Variants in GLIS3 observed in about 807,000 individuals in gnomAD.
GLIS3 encodes GLIS family zinc finger 3.
GLIS3 carries 53 observed loss-of-function variants against 78.6 expected under a neutral mutation model. That is an observed-to-expected ratio of 0.67 (90% confidence interval 0.54 to 0.85). The LOEUF (loss-of-function observed/expected upper bound fraction) is 0.85, where lower values mean the gene tolerates loss of function less well. GLIS3 is among the 40% of genes least tolerant of loss of function. GLIS3 has a pLI of 0.00. For missense variants in GLIS3, 1,703 were observed against 1,231.1 expected, an observed-to-expected ratio of 1.38 and a Z score of -5.74; for synonymous variants, 684 against 509.9, an observed-to-expected ratio of 1.34 and a Z score of -4.60.
At chr9:4,235,216 T>C (rs1164671520) in intron 2 of GLIS3, among the ~76,000 whole-genome samples, 1 of 149,944 alleles carries the variant, frequency 6.7e-6, no homozygotes, top group Non-Finnish European at 1.5e-5. Context: ...GGAGAATCGC[T>C]TGAACCCGGG....
At chr9:4,007,559 G>C (rs999316255) in intron 4 of GLIS3, among the ~76,000 whole-genome samples, 1 of 151,962 alleles carries the variant, frequency 6.6e-6, no homozygotes, top group Non-Finnish European at 1.5e-5. Context: ...AATTTCAATG[G>C]GGATTCATCA....
chr9:4,418,236 G>A, the GLIS3 span, among the ~76,000 whole-genome samples: 1 of 148,884 alleles, frequency 6.7e-6, no homozygotes, highest in Non-Finnish European at 1.5e-5. Flanking sequence ...AGAGATGGCT[G>A]AGGCAATTTT....
intron 2 of GLIS3, among the ~76,000 whole-genome samples, chr9:4,344,835 C>G (rs184912008): frequency 6.6e-6 from 1 of 152,182 alleles, no homozygotes; most frequent in Non-Finnish European, 1.5e-5. Flanking sequence ...TCCTTGTCTG[C>G]TCTCTTCCTT....
At chr9:4,218,618 G>C (rs921105520) in intron 2 of GLIS3, among the ~76,000 whole-genome samples, 2 of 152,124 alleles carry the variant, frequency 1.3e-5, no homozygotes, top group African/African-American at 2.4e-5. Flanking sequence ...ATATGTTACT[G>C]TCCAATCTGG....
At chr9:3,927,530 G>A (rs1825335893) in intron 6 of GLIS3, among the ~76,000 whole-genome samples, 1 of 152,132 alleles carries the variant, frequency 6.6e-6, no homozygotes, top group Admixed American at 6.5e-5. Flanking sequence ...CACACCTCGG[G>A]CAACAGCTTT....
intron 1 of GLIS3, among the ~76,000 whole-genome samples, chr9:4,296,314 C>T (rs900590682): frequency 6.6e-6 from 1 of 150,726 alleles, no homozygotes; most frequent in Non-Finnish European, 1.5e-5. Context: ...AAAAAAAGAC[C>T]GAGAACACTG....
At chr9:3,877,565 G>GT (rs1384240293) in intron 8 of GLIS3, among the ~76,000 whole-genome samples, 1 of 151,940 alleles carries the variant, frequency 6.6e-6, no homozygotes, top group Non-Finnish European at 1.5e-5. Context: ...ACTCAACATT[G>GT]TTTTTTCCTC....
intron 2 of GLIS3, among the ~76,000 whole-genome samples, chr9:4,279,685 C>T (rs1036115632): frequency 9.5e-5 from 7 of 73,596 alleles, no homozygotes; most frequent in Non-Finnish European, 1.8e-4. Flanking sequence ...TAGATTAGAG[C>T]TTGTTTGGTC....
the GLIS3 span, among the ~76,000 whole-genome samples, chr9:4,365,479 C>T: frequency 3.9e-5 from 6 of 152,092 alleles, no homozygotes; most frequent in East Asian, 7.7e-4. Flanking sequence ...TCGCTTGAAC[C>T]TGGGAGGTGG....
At chr9:4,270,451 T>A (rs555563292) in intron 2 of GLIS3, among the ~76,000 whole-genome samples, 1 of 152,138 alleles carries the variant, frequency 6.6e-6, no homozygotes, top group East Asian at 1.9e-4. Context: ...TAGGATGTAA[T>A]TGAGTTGTCA....
chr9:4,030,701 C>G (rs966874007), intron 4 of GLIS3, among the ~76,000 whole-genome samples: 2 of 152,224 alleles, frequency 1.3e-5, no homozygotes, highest in African/African-American at 4.8e-5. Context: ...CCAGCGTGTT[C>G]TTGGCACCTT....
chr9:4,484,816 A>G, the GLIS3 span, among the ~76,000 whole-genome samples: 3 of 152,148 alleles, frequency 2.0e-5, no homozygotes, highest in Non-Finnish European at 4.4e-5. Context: ...GAGGTCAGGA[A>G]TCGTCTTTGT....
At chr9:4,030,193 A>T (rs546268544) in intron 4 of GLIS3, among the ~76,000 whole-genome samples, 6 of 152,260 alleles carry the variant, frequency 3.9e-5, no homozygotes, top group Non-Finnish European at 4.4e-5. Context: ...TTCTCTGCTG[A>T]TCAGTGATGT....
intron 2 of GLIS3, among the ~76,000 whole-genome samples, chr9:4,262,248 C>T (rs796768147): frequency 9.9e-5 from 15 of 152,246 alleles, no homozygotes; most frequent in African/African-American, 3.6e-4. Context: ...TTGAGGCCCC[C>T]AACAAGATAT....
At chr9:4,156,925 A>G (rs1029003209) in intron 2 of GLIS3, among the ~76,000 whole-genome samples, 2 of 152,152 alleles carry the variant, frequency 1.3e-5, no homozygotes, top group African/African-American at 4.8e-5. Context: ...CAGAAATGCA[A>G]AGTTTCTGTC....
chr9:4,131,105 T>C (rs1236274023), intron 2 of GLIS3, among the ~76,000 whole-genome samples: 1 of 152,196 alleles, frequency 6.6e-6, no homozygotes, highest in Non-Finnish European at 1.5e-5. Context: ...CCCCTTTATT[T>C]TGGCCAATTT....
At chr9:4,340,980 C>G (rs992810574) in intron 2 of GLIS3, among the ~76,000 whole-genome samples, 2 of 152,162 alleles carry the variant, frequency 1.3e-5, no homozygotes, top group African/African-American at 4.8e-5. Context: ...CCTGGCCTCA[C>G]CTGATATTTT....
chr9:4,362,905 G>A, the GLIS3 span, among the ~76,000 whole-genome samples: 6 of 152,130 alleles, frequency 3.9e-5, no homozygotes, highest in Non-Finnish European at 8.8e-5. Context: ...AATTTGAGGA[G>A]TTAGAGGGAG....
chr9:4,323,384 G>A (rs992552980), intron 2 of GLIS3, among the ~76,000 whole-genome samples: 1 of 151,924 alleles, frequency 6.6e-6, no homozygotes, highest in African/African-American at 2.4e-5. Context: ...AGAGTGTTAT[G>A]CTGTGTATAG....
Sources: gnomAD v4.1 joint callset for allele counts (sites outside exome capture counted in the v4.1 genomes callset) on GRCh38, gnomAD v4.1.1 for gene constraint, MANE v1.5 for transcripts, NCBI Gene and HGNC (gene_info 2026-07-23, HGNC 2026-07-21) for gene names.